SORBS2: variants seen among roughly 807,000 people sequenced by gnomAD.
SORBS2 encodes sorbin and SH3 domain containing 2.
In SORBS2, 46 loss-of-function variants were observed where a neutral mutation model predicts 97.7. The observed-to-expected ratio is 0.47, with a 90% CI of 0.37 to 0.60. SORBS2 has a LOEUF of 0.60. Ranked by LOEUF, SORBS2 falls within the 20% of genes least tolerant of loss-of-function variation. The probability of loss-of-function intolerance (pLI) is 0.00; values close to 1 mark genes in which losing one functional copy is unlikely to be tolerated. For missense variants in SORBS2, 1,316 were observed against 1,282.3 expected (o/e 1.03, Z -0.40); for synonymous variants, 476 against 473.4 (o/e 1.01, Z -0.07).
chr4:185,668,932 C>T (rs564449655), intron 4 of SORBS2, among the ~76,000 whole-genome samples: 1 of 152,364 alleles, frequency 6.6e-6, no homozygotes, highest in Non-Finnish European at 1.5e-5. Flanking sequence ...CACCAGCTAG[C>T]AGCCAGGGGC....
chr4:185,767,372 C>T lies in SORBS2; in HGVS notation c.-198+7855G>A, dbSNP rs1212348433. On this transcript the variant is annotated intron_variant, in intron 2 of 20. Coordinates refer to the SORBS2 transcript ENST00000284776. ...AAAATTAGCCGGGCGTGGTGGCGGG[C>T]GCCTGTAGTTCCAGTTACTCGGGAG... Among the ~76,000 whole-genome samples the T allele has an allele frequency of 6.4e-5, 9 of 139,816 alleles. 1 individual carries two copies. The Admixed American group carries it at 6.8e-4, about 11-fold the overall frequency. 91.7% of individuals were successfully genotyped at this position (139,816 alleles called of 152,430 possible). A position where few individuals can be genotyped will look rare whatever the true frequency, so the allele number is the denominator to read the frequency against.
At chr4:185,629,871 A>T (rs1178106456) in intron 5 of SORBS2, among the ~76,000 whole-genome samples, 1 of 151,960 alleles carries the variant, frequency 6.6e-6, no homozygotes, top group Non-Finnish European at 1.5e-5. Flanking sequence ...TGAATTTTGT[A>T]ATATTTTTTA....
chr4:185,668,341 G>C (rs924142696), intron 4 of SORBS2, among the ~76,000 whole-genome samples: 1 of 152,126 alleles, frequency 6.6e-6, no homozygotes, highest in Non-Finnish European at 1.5e-5. Flanking sequence ...TCCACCTTTC[G>C]AATTTCTTTC....
At chr4:185,785,412 A>C (rs2099051660) in intron 1 of SORBS2, among the ~76,000 whole-genome samples, 1 of 152,238 alleles carries the variant, frequency 6.6e-6, no homozygotes, top group Non-Finnish European at 1.5e-5. Flanking sequence ...CTGATTAAGT[A>C]TCATGAATGG....
chr4:185,668,514 T>C (rs2097654975), intron 4 of SORBS2, among the ~76,000 whole-genome samples: 1 of 152,180 alleles, frequency 6.6e-6, no homozygotes, highest in Non-Finnish European at 1.5e-5. Context: ...TCAACAGTTA[T>C]ACTGGTCACC....
At chr4:185,587,746 G>A (rs2095819390) in intron 14 of SORBS2, 58 bp from the exon 27 acceptor site, 1 of 1,330,630 alleles carries the variant, frequency 7.5e-7, no homozygotes, top group Middle Eastern at 1.8e-4. Flanking sequence ...TCATACACAT[G>A]GGCTTGAATA....
At chr4:185,861,137 CG>C (rs938772942) in intron 1 of SORBS2, among the ~76,000 whole-genome samples, 3 of 151,980 alleles carry the variant, frequency 2.0e-5, no homozygotes, top group African/African-American at 7.3e-5. Context: ...TCTGTTTTGT[CG>C]GCAGATTTCT....
rs2099267020 is a variant in SORBS2, at chr4:185,932,621, A to G, written c.-338+23575T>C. On this transcript the variant is annotated intron_variant, in intron 1 of 20. Transcript: ENST00000284776. ...ATGAGAAAATATGAAGAGAACAGAGAGTTGCCGGAATGCAATGTCACTGCA... is the reference window on the plus strand; with the variant it reads ...ATGAGAAAATATGAAGAGAACAGAGGGTTGCCGGAATGCAATGTCACTGCA... 1.3e-5 allele frequency among the ~76,000 whole-genome samples: 2 copies of G among 152,140 alleles called. 1 individual carries two copies. Among genetic ancestry groups the G allele is most frequent in the African/African-American group, 4.8e-5 (2 of 41,442 alleles).
At chr4:185,633,069 G>A (rs10007195) in intron 4 of SORBS2, among the ~76,000 whole-genome samples, 9,535 of 152,128 alleles carry the variant, frequency 0.063, 1,001 homozygotes, top group African/African-American at 0.22. Context: ...CACTTAGAAG[G>A]TCAATTTAGT....
intron 2 of SORBS2, among the ~76,000 whole-genome samples, chr4:185,751,190 A>AAGAG (rs1554255996): frequency 2.3e-5 from 2 of 86,426 alleles, no homozygotes; most frequent in Non-Finnish European, 5.0e-5. Context: ...AAAAAAAAAA[A>AAGAG]AGAGAAAGAG....
chr4:185,832,625 A>T (rs1347058661), intron 1 of SORBS2, among the ~76,000 whole-genome samples: 2 of 152,224 alleles, frequency 1.3e-5, no homozygotes, highest in African/African-American at 4.8e-5. Flanking sequence ...TCAGTTTCTT[A>T]TATCTTAAAG....
chr4:185,677,630 A>G, intron 4 of SORBS2: 1 of 1,510,782 alleles, frequency 6.6e-7, no homozygotes, highest in Non-Finnish European at 8.8e-7. Context: ...TTTCTGGTGG[A>G]GGGGGTGCCT....
intron 2 of SORBS2, among the ~76,000 whole-genome samples, chr4:185,691,845 C>G (rs190261846): frequency 4.8e-4 from 73 of 152,086 alleles, no homozygotes; most frequent in African/African-American, 1.7e-3. Context: ...CCCGGGCTCA[C>G]GCCATTCTTC....
intron 4 of SORBS2, among the ~76,000 whole-genome samples, chr4:185,640,208 G>A (rs1205269770): frequency 6.6e-6 from 1 of 152,172 alleles, no homozygotes; most frequent in Non-Finnish European, 1.5e-5. Context: ...TATAAAGACT[G>A]TGTAGTGTCC....
chr4:185,603,844 A>G (rs1244579523), intron 12 of SORBS2, among the ~76,000 whole-genome samples: 1 of 152,222 alleles, frequency 6.6e-6, no homozygotes, highest in Non-Finnish European at 1.5e-5. Flanking sequence ...AGTCTCAGAG[A>G]TGGATGCTTT....
intron 1 of SORBS2, among the ~76,000 whole-genome samples, chr4:185,866,972 G>A (rs994941677): frequency 1.2e-4 from 18 of 152,050 alleles, no homozygotes; most frequent in African/African-American, 4.3e-4. Flanking sequence ...GTAACGCAAT[G>A]TATACTAAAA....
intron 4 of SORBS2, among the ~76,000 whole-genome samples, chr4:185,663,606 T>G (rs1163642098): frequency 6.6e-6 from 1 of 152,220 alleles, no homozygotes; most frequent in East Asian, 1.9e-4. Flanking sequence ...GTACCTCTGA[T>G]GGATGATTTG....
At chr4:185,953,573 ACT>A (rs1330043194) in intron 1 of SORBS2, among the ~76,000 whole-genome samples, 1 of 152,146 alleles carries the variant, frequency 6.6e-6, no homozygotes, top group African/African-American at 2.4e-5. Context: ...CCAAGGCAAT[ACT>A]CTCAAAAGGT....
chr4:185,766,242 T>C lies in SORBS2; in HGVS notation c.-198+8985A>G, dbSNP rs555759221. 2.0e-5 allele frequency among the ~76,000 whole-genome samples: 3 copies of C among 152,300 alleles called. No homozygotes were observed. The South Asian group carries it at 6.2e-4, about 32-fold the overall frequency. ...AGTCCCTTCACTATGGGCCTACTCA[T>C]AGATGTGCACAGAAATGAACCATCT... On this transcript the variant is annotated intron_variant, in intron 2 of 20. Coordinates refer to the SORBS2 transcript ENST00000284776.
Sources: gnomAD v4.1 joint callset for allele counts (sites outside exome capture counted in the v4.1 genomes callset) on GRCh38, gnomAD v4.1.1 for gene constraint, MANE v1.5 for transcripts, NCBI Gene and HGNC (gene_info 2026-07-23, HGNC 2026-07-21) for gene names.